ATP10B: variants seen among roughly 807,000 people sequenced by gnomAD.
ATP10B encodes phospholipid-transporting ATPase VB.
In ATP10B, 122 loss-of-function variants were observed where a neutral mutation model predicts 141.2. That is an observed-to-expected ratio of 0.86 (90% CI 0.75 to 1.00). ATP10B has a LOEUF of 1.00. Among genes scored for constraint, ATP10B ranks in the 50% least tolerant of loss-of-function variants. The pLI is 0.00. For missense variants in ATP10B, 1,876 were observed against 1,825.3 expected (o/e 1.03, Z -0.51); for synonymous variants, 685 against 692.0 (o/e 0.99, Z 0.16).
intron 13 of ATP10B, among the ~76,000 whole-genome samples, chr5:160,628,312 C>G (rs1032038378): frequency 6.6e-6 from 1 of 152,238 alleles, no homozygotes; most frequent in Admixed American, 6.5e-5. Context: ...ATTTGAGACA[C>G]TGGGGAACAA....
intron 10 of ATP10B, among the ~76,000 whole-genome samples, chr5:160,639,466 G>T (rs1437647440): frequency 6.6e-6 from 1 of 152,194 alleles, no homozygotes. Flanking sequence ...GGCAGGGAGA[G>T]CTACTGCTGC....
chr5:160,691,095 C>T (rs1310925255), intron 3 of ATP10B, among the ~76,000 whole-genome samples: 1 of 152,096 alleles, frequency 6.6e-6, no homozygotes, highest in Non-Finnish European at 1.5e-5. Context: ...TCTCAGCAAA[C>T]TAACACAGGA....
At chr5:160,929,024 T>C in the ATP10B span, among the ~76,000 whole-genome samples, 1 of 152,136 alleles carries the variant, frequency 6.6e-6, no homozygotes, top group Non-Finnish European at 1.5e-5. Context: ...AGATAGAGGA[T>C]TGGGGGTCCC....
intron 6 of ATP10B, among the ~76,000 whole-genome samples, chr5:160,672,283 T>C (rs921724767): frequency 2.0e-5 from 3 of 152,224 alleles, no homozygotes; most frequent in Admixed American, 6.5e-5. Context: ...GGCTGCATTG[T>C]ATTTTCAAAG....
chr5:160,888,711 T>C, the ATP10B span, among the ~76,000 whole-genome samples: 1 of 152,230 alleles, frequency 6.6e-6, no homozygotes, highest in Non-Finnish European at 1.5e-5. Context: ...TTCTGATTTT[T>C]ATGTTTTCCA....
chr5:160,904,365 T>C, the ATP10B span, among the ~76,000 whole-genome samples: 13 of 152,166 alleles, frequency 8.5e-5, no homozygotes, highest in African/African-American at 2.4e-4. Flanking sequence ...ATAGGGCAAC[T>C]GTGAGGAATA....
At chr5:160,678,996 T>G (rs1483066704) in intron 6 of ATP10B, among the ~76,000 whole-genome samples, 1 of 152,238 alleles carries the variant, frequency 6.6e-6, no homozygotes, top group Non-Finnish European at 1.5e-5. Flanking sequence ...TCTGAACACC[T>G]TTTCACAAAA....
the ATP10B span, among the ~76,000 whole-genome samples, chr5:160,876,479 G>T: frequency 6.9e-4 from 102 of 148,176 alleles, no homozygotes; most frequent in Middle Eastern, 0.014. Context: ...AAAAGAACTA[G>T]AAAAGCAAGA....
At chr5:160,825,045 C>T (rs551965032) in intron 1 of ATP10B, among the ~76,000 whole-genome samples, 1 of 152,080 alleles carries the variant, frequency 6.6e-6, no homozygotes. Context: ...TTTAATTCAC[C>T]TTTTTGTTTA....
intron 2 of ATP10B, among the ~76,000 whole-genome samples, chr5:160,739,265 C>T (rs1767310255): frequency 6.6e-6 from 1 of 152,070 alleles, no homozygotes; most frequent in Non-Finnish European, 1.5e-5. Flanking sequence ...TCTTTAAGGT[C>T]AGGAACAAGG....
At chr5:160,880,227 A>AATATG in the ATP10B span, among the ~76,000 whole-genome samples, 11 of 8,310 alleles carry the variant, frequency 1.3e-3, no homozygotes, top group East Asian at 0.42. Context: ...ATATAAATAA[A>AATATG]ATATAAATAT....
chr5:160,890,961 A>G, the ATP10B span, among the ~76,000 whole-genome samples: 1 of 151,876 alleles, frequency 6.6e-6, no homozygotes, highest in Non-Finnish European at 1.5e-5. Flanking sequence ...GATGACTATG[A>G]GTGGTGCAGC....
At chr5:160,769,444 T>C (rs755461595) in intron 2 of ATP10B, among the ~76,000 whole-genome samples, 1 of 152,196 alleles carries the variant, frequency 6.6e-6, no homozygotes, top group Non-Finnish European at 1.5e-5. Flanking sequence ...GCAATCTCCA[T>C]CTGCACTGGT....
intron 7 of ATP10B, 105 bp from the exon 8 acceptor site, chr5:160,649,361 T>A: frequency 1.3e-6 from 1 of 795,774 alleles, no homozygotes; most frequent in Non-Finnish European, 2.1e-6. Flanking sequence ...AATAAGGTAA[T>A]CCATGCTTTG....
At chr5:160,646,600 A>G (rs983128969) in intron 8 of ATP10B, among the ~76,000 whole-genome samples, 1 of 152,178 alleles carries the variant, frequency 6.6e-6, no homozygotes, top group African/African-American at 2.4e-5. Flanking sequence ...AGGACCCACC[A>G]TTGCTCCTTC....
intron 9 of ATP10B, 27 bp from the exon 10 acceptor site, chr5:160,640,619 C>T (rs765877314): frequency 8.1e-6 from 13 of 1,612,614 alleles, no homozygotes; most frequent in South Asian, 1.1e-5. Flanking sequence ...GGAAATCAGT[C>T]CCTTAGTTCC....
chr5:160,666,322 T>C (rs769075091), intron 7 of ATP10B, among the ~76,000 whole-genome samples: 50 of 152,146 alleles, frequency 3.3e-4, no homozygotes, highest in Non-Finnish European at 5.3e-4. Context: ...AGGATGCATA[T>C]ATATTGTTAA....
intron 24 of ATP10B, among the ~76,000 whole-genome samples, chr5:160,573,949 G>C (rs193114686): frequency 6.6e-6 from 1 of 152,256 alleles, no homozygotes; most frequent in East Asian, 1.9e-4. Flanking sequence ...ACATATATGT[G>C]TGCAAGAGTG....
intron 24 of ATP10B, among the ~76,000 whole-genome samples, chr5:160,574,341 G>A (rs886227713): frequency 1.3e-5 from 2 of 152,154 alleles, no homozygotes; most frequent in African/African-American, 4.8e-5. Flanking sequence ...GGGTGAGGCA[G>A]GAGAATCACT....
Sources: allele counts gnomAD v4.1 joint callset (sites outside exome capture counted in the v4.1 genomes callset), GRCh38; gene constraint gnomAD v4.1.1; transcripts MANE v1.5; gene names NCBI Gene and HGNC (gene_info 2026-07-23, HGNC 2026-07-21).